Variants in NHSL1 observed in about 807,000 individuals in gnomAD.
The protein encoded by NHSL1 is NHS-like protein 1.
In NHSL1, 48 loss-of-function variants were observed where a neutral mutation model predicts 95.0. The observed-to-expected ratio is 0.51, with a 90% confidence interval of 0.40 to 0.64. The LOEUF is 0.64. NHSL1 is among the 30% of genes least tolerant of loss of function. The probability of loss-of-function intolerance (pLI) is 0.00; values close to 1 mark genes in which losing one functional copy is unlikely to be tolerated. For synonymous variants in NHSL1, 783 were observed against 833.9 expected, an observed-to-expected ratio of 0.94 and a Z score of 1.05; for missense variants, 1,971 against 2,077.7, an observed-to-expected ratio of 0.95 and a Z score of 1.00.
At chr6:138,613,052 C>T (rs1784534860) in intron 1 of NHSL1, among the ~76,000 whole-genome samples, 1 of 152,144 alleles carries the variant, frequency 6.6e-6, no homozygotes, top group Non-Finnish European at 1.5e-5. Flanking sequence ...AAGAAACCAC[C>T]ACACCAGGCC....
At chr6:138,619,947 C>CAAAAAAAA (rs11376703) in intron 1 of NHSL1, among the ~76,000 whole-genome samples, 1 of 102,178 alleles carries the variant, frequency 9.8e-6, no homozygotes, top group Admixed American at 1.1e-4. Context: ...AACTCTATCA[C>CAAAAAAAA]AAAAAAAAAA....
intron 1 of NHSL1, among the ~76,000 whole-genome samples, chr6:138,643,566 T>C (rs1012693329): frequency 1.3e-5 from 2 of 152,200 alleles, no homozygotes; most frequent in African/African-American, 4.8e-5. Flanking sequence ...CCATACTATA[T>C]GTGTTGCATA....
chr6:138,430,625 G>A lies in NHSL1; in HGVS notation c.3720C>T (p.Ser1240=). ...PTTGEEGSVH[S]REAKESSAAQ... Reference sequence around the variant, plus strand: ...CTGCAGAACTCTCTTTTGCCTCCCTGCTGTGCACAGAGCCCTCCTCTCCCG... The same window carrying A: ...CTGCAGAACTCTCTTTTGCCTCCCTACTGTGCACAGAGCCCTCCTCTCCCG... Residue 1240 remains serine (S), a synonymous_variant, in exon 6 of 8, where the codon AGC becomes AGT. Coordinates refer to ENST00000343505, the MANE Select transcript of NHSL1 (RefSeq NM_001144060.2). This position sits in a 1 kb window ranked among gnomAD's most constrained non-coding sequence, Gnocchi z 4.7. 1 of 1,551,536 alleles carries A rather than the reference G, an allele frequency of 6.4e-7. No homozygotes were observed. The highest frequency in any genetic ancestry group is 8.7e-7 in the Non-Finnish European group (1 of 1,146,920).
intron 1 of NHSL1, among the ~76,000 whole-genome samples, chr6:138,673,975 G>A (rs1785414799): frequency 6.6e-6 from 1 of 152,140 alleles, no homozygotes; most frequent in African/African-American, 2.4e-5. Context: ...GAAATTAAAG[G>A]TAAATGGATG....
upstream of NHSL1, among the ~76,000 whole-genome samples, chr6:138,574,434 C>T (rs1307620648): frequency 6.6e-6 from 1 of 152,212 alleles, no homozygotes; most frequent in African/African-American, 2.4e-5. Context: ...ACGAGACCCC[C>T]GCCACACATC....
At chr6:138,505,133 T>C (rs1780893778) in intron 1 of NHSL1, among the ~76,000 whole-genome samples, 1 of 152,022 alleles carries the variant, frequency 6.6e-6, no homozygotes, top group South Asian at 2.1e-4. Flanking sequence ...CCCGCCCCCA[T>C]CCCTATTTAC....
intron 1 of NHSL1, among the ~76,000 whole-genome samples, chr6:138,580,865 CGCGGGCTAATATAGCCCTGG>C (rs986390552): frequency 1.3e-4 from 20 of 152,196 alleles, no homozygotes; most frequent in Admixed American, 2.6e-4. Flanking sequence ...GGTGGATTAG[CGCGGGCTAATATAGCCCTGG>C]GCGGGCTATA....
In NHSL1 at chr6:138,551,236, TG is replaced by T. The variant is rs1782989681; in HGVS notation, c.202+20473del. Among the ~76,000 whole-genome samples, 5 of 152,324 alleles carry T rather than the reference TG, an allele frequency of 3.3e-5. No homozygotes were observed. In the South Asian group the frequency reaches 1.0e-3, roughly 32 times the overall value. ...ACTATGTGTGGTTTAAGGCATCCACTGGGTGATCTTCGAACGTATCCCCCAA... is the reference window on the plus strand; with the variant it reads ...ACTATGTGTGGTTTAAGGCATCCACTGGTGATCTTCGAACGTATCCCCCAA... On this transcript the variant is annotated intron_variant, in intron 1 of 6. Transcript: ENST00000427025.
At chr6:138,690,411 T>C (rs1785648532) in intron 1 of NHSL1, among the ~76,000 whole-genome samples, 2 of 151,822 alleles carry the variant, frequency 1.3e-5, no homozygotes, top group Non-Finnish European at 1.5e-5. Context: ...GGCATAATTA[T>C]ATTCAATAAA....
At chr6:138,468,633 C>T (rs1778545989) in intron 3 of NHSL1, among the ~76,000 whole-genome samples, 1 of 152,182 alleles carries the variant, frequency 6.6e-6, no homozygotes, top group African/African-American at 2.4e-5. Flanking sequence ...ACTGCCCCAC[C>T]CACCCCAGTC....
intron 5 of NHSL1, among the ~76,000 whole-genome samples, chr6:138,435,718 T>TTTG (rs1776043556): frequency 6.6e-6 from 1 of 151,870 alleles, no homozygotes; most frequent in African/African-American, 2.4e-5. Context: ...TGGGGTTTTT[T>TTTG]TTTTTGTTTT....
At chr6:138,576,273 T>C (rs1171760291), upstream of NHSL1, among the ~76,000 whole-genome samples, 2 of 152,194 alleles carry the variant, frequency 1.3e-5, no homozygotes, top group East Asian at 3.9e-4. Flanking sequence ...ATTACAAGCA[T>C]GACCCACCGC....
chr6:138,499,917 A>G (rs1780582929), upstream of NHSL1, among the ~76,000 whole-genome samples: 2 of 152,166 alleles, frequency 1.3e-5, no homozygotes, highest in South Asian at 4.1e-4. Context: ...ACAAGCAGTA[A>G]AACTTTAGAA....
upstream of NHSL1, among the ~76,000 whole-genome samples, chr6:138,501,316 G>C (rs1042015363): frequency 6.6e-6 from 1 of 152,144 alleles, no homozygotes. Flanking sequence ...GGACAAAATA[G>C]GTGAGATCCC....
chr6:138,627,622 G>A (rs1330498149), intron 1 of NHSL1, among the ~76,000 whole-genome samples: 5 of 152,128 alleles, frequency 3.3e-5, no homozygotes, highest in African/African-American at 9.7e-5. Context: ...GGTGGCTCAC[G>A]CCTGTAATCC....
intron 4 of NHSL1, among the ~76,000 whole-genome samples, chr6:138,443,259 A>C (rs1402892437): frequency 6.6e-6 from 1 of 152,218 alleles, no homozygotes; most frequent in East Asian, 1.9e-4. Context: ...TGATCAAAAC[A>C]CATTTCCCCT....
At chr6:138,610,932 G>C (rs1230788942) in intron 1 of NHSL1, among the ~76,000 whole-genome samples, 1 of 152,118 alleles carries the variant, frequency 6.6e-6, no homozygotes, top group Non-Finnish European at 1.5e-5. Context: ...ACAAAAATTA[G>C]CCGGGTGTGT....
intron 1 of NHSL1, among the ~76,000 whole-genome samples, chr6:138,540,295 T>C (rs187464473): frequency 1.2e-4 from 19 of 152,348 alleles, no homozygotes; most frequent in African/African-American, 3.6e-4. Flanking sequence ...GTCACACAGA[T>C]GCAATATTCC....
chr6:138,678,304 T>G (rs112092405), intron 1 of NHSL1, among the ~76,000 whole-genome samples: 1 of 152,214 alleles, frequency 6.6e-6, no homozygotes. Context: ...GCCAGAATGA[T>G]AGGCAACACT....
Sources: gnomAD v4.1 joint callset for allele counts (sites outside exome capture counted in the v4.1 genomes callset) on GRCh38, gnomAD v4.1.1 for gene constraint, Gnocchi (gnomAD v3.1) non-coding constraint, MANE v1.5 for transcripts, NCBI Gene and HGNC (gene_info 2026-07-23, HGNC 2026-07-21) for gene names.